NEDD4: variants seen among roughly 807,000 people sequenced by gnomAD.
NEDD4 encodes E3 ubiquitin-protein ligase NEDD4.
In NEDD4, 99 loss-of-function variants were observed where a neutral mutation model predicts 144.9. The ratio of observed to expected loss-of-function variants is 0.68; its 90% confidence interval spans 0.58 to 0.81. The LOEUF is 0.81. Among genes scored for constraint, NEDD4 ranks in the 30% least tolerant of loss-of-function variants. The pLI is 0.00. For synonymous variants in NEDD4, 318 were observed against 350.6 expected (o/e 0.91, Z 1.04); for missense variants, 985 against 1,065.9 (o/e 0.92, Z 1.06).
chr15:55,841,980 T>C lies in NEDD4; in HGVS notation c.1792A>G (p.Lys598Glu), dbSNP rs780284935. 1 of 1,614,198 alleles carries C rather than the reference T, an allele frequency of 6.2e-7. No individual in the cohort carries two copies. Among genetic ancestry groups the C allele is most frequent in the Non-Finnish European group, 8.5e-7 (1 of 1,180,030 alleles). The change falls in exon 19 of 29, where the codon AAG (lysine) becomes GAG (glutamate). Residue 598 changes from lysine to glutamate, a missense_variant. Physicochemically the swap from Lys to Glu is moderately conservative, Grantham distance 56. Transcript: ENST00000435532. ...VAREWFFLIS[K>E]EMFNPYYGLF... The stretch of plus-strand genomic sequence containing the variant: ...CCATAATAAGGGTTAAACATTTCCT[T>C]TGAGATCAGGAAGAACCATTCTCTG...
intron 9 of NEDD4, 133 bp from the exon 10 acceptor site, chr15:55,860,911 T>C (rs926908175): frequency 6.9e-6 from 5 of 728,600 alleles, no homozygotes; most frequent in African/African-American, 3.5e-5. Context: ...CCAAAGGCTA[T>C]TTCAACATGC....
At chr15:55,925,840 A>G (rs961292333) in intron 4 of NEDD4, among the ~76,000 whole-genome samples, 5 of 152,156 alleles carry the variant, frequency 3.3e-5, no homozygotes, top group Non-Finnish European at 7.3e-5. Flanking sequence ...TGAAAACTGA[A>G]GTACAACACA....
intron 2 of NEDD4, among the ~76,000 whole-genome samples, chr15:55,961,743 A>C (rs1197236229): frequency 1.3e-5 from 2 of 152,152 alleles, no homozygotes; most frequent in Non-Finnish European, 1.5e-5. Flanking sequence ...TGCTGGGATT[A>C]CAGATGTGAG....
chr15:55,830,959 C>G (rs1382023173), intron 27 of NEDD4, among the ~76,000 whole-genome samples: 1 of 152,170 alleles, frequency 6.6e-6, no homozygotes, highest in Non-Finnish European at 1.5e-5. Flanking sequence ...CACTCTGTCA[C>G]CCAGGCTGAA....
chr15:55,983,613 CT>C (rs10711886), intron 1 of NEDD4, among the ~76,000 whole-genome samples: 27,808 of 141,782 alleles, frequency 0.2, 2,444 homozygotes, highest in Non-Finnish European at 0.22. Flanking sequence ...TTTAGATATA[CT>C]TTTTTTTTTT....
intron 5 of NEDD4, chr15:55,924,355 G>A (rs1566954192): frequency 3.4e-6 from 1 of 290,276 alleles, no homozygotes; most frequent in Non-Finnish European, 6.6e-6. Flanking sequence ...CGAGTGAGAG[G>A]GAAGGCAGGA....
chr15:55,871,071 G>C (rs2034777173), intron 7 of NEDD4, among the ~76,000 whole-genome samples: 1 of 152,080 alleles, frequency 6.6e-6, no homozygotes, highest in African/African-American at 2.4e-5. Context: ...TTCTCTGTAT[G>C]GTTCTCATGG....
intron 24 of NEDD4, among the ~76,000 whole-genome samples, chr15:55,834,550 G>C (rs1192417498): frequency 3.9e-5 from 6 of 152,104 alleles, no homozygotes; most frequent in Admixed American, 2.0e-4. Context: ...CCAGCACTTT[G>C]GGAGGCTGGG....
chr15:55,917,297 C>G (rs1295556550), intron 5 of NEDD4, among the ~76,000 whole-genome samples: 1 of 152,184 alleles, frequency 6.6e-6, no homozygotes, highest in African/African-American at 2.4e-5. Context: ...AGTGCCTATA[C>G]TTTCTCCAGC....
chr15:55,970,221 A>C (rs1348482757), intron 1 of NEDD4, among the ~76,000 whole-genome samples: 2 of 152,176 alleles, frequency 1.3e-5, no homozygotes. Flanking sequence ...TTTGTCTTGT[A>C]ACCTGGGTAC....
intron 5 of NEDD4, among the ~76,000 whole-genome samples, chr15:55,874,937 G>A (rs1191607462): frequency 6.6e-6 from 1 of 151,764 alleles, no homozygotes; most frequent in Non-Finnish European, 1.5e-5. Context: ...CCATGCCACT[G>A]CACTCCAGCT....
chr15:55,930,673 C>T lies in NEDD4; in HGVS notation c.238-5974G>A, dbSNP rs561694439. Among the ~76,000 whole-genome samples the T allele has an allele frequency of 4.6e-5, 7 of 152,166 alleles. No homozygotes were observed. The South Asian group carries it at 6.2e-4, about 14-fold the overall frequency. ...AATTGTAATAATCCAAATGTGTCAA[C>T]GGCAGGGCTAGGTGGAGATAATTGA... On this transcript the variant is annotated intron_variant, in intron 4 of 28. Transcript: ENST00000435532.
At chr15:55,832,181 G>GA (rs200591357) in intron 27 of NEDD4, among the ~76,000 whole-genome samples, 229 of 124,736 alleles carry the variant, frequency 1.8e-3, no homozygotes, top group South Asian at 8.3e-3. Flanking sequence ...CCCCTATCTT[G>GA]AAAAAAAAAA....
At chr15:55,900,308 C>A (rs2035873355) in intron 5 of NEDD4, among the ~76,000 whole-genome samples, 1 of 152,150 alleles carries the variant, frequency 6.6e-6, no homozygotes, top group Non-Finnish European at 1.5e-5. Context: ...CCCAGAAATA[C>A]TGAAGAGCAC....
chr15:55,873,895 TGTAA>T (rs1446984672), intron 6 of NEDD4, 59 bp downstream of exon 6: 11 of 740,204 alleles, frequency 1.5e-5, no homozygotes, highest in Admixed American at 8.5e-5. Context: ...ATATTATATA[TGTAA>T]GTATTTATTA....
At chr15:55,838,468 C>A in intron 22 of NEDD4, 41 bp downstream of exon 22, 1 of 1,362,510 alleles carries the variant, frequency 7.3e-7, no homozygotes, top group South Asian at 1.2e-5. Flanking sequence ...ACATTTGTCT[C>A]ACAATTTATG....
intron 4 of NEDD4, among the ~76,000 whole-genome samples, chr15:55,941,165 AT>A (rs1228302025): frequency 6.6e-6 from 1 of 151,950 alleles, no homozygotes; most frequent in African/African-American, 2.4e-5. Flanking sequence ...AATTTCATTA[AT>A]TTTTTTGAAG....
At chr15:55,940,623 T>C (rs1027559641) in intron 4 of NEDD4, among the ~76,000 whole-genome samples, 14 of 151,764 alleles carry the variant, frequency 9.2e-5, no homozygotes, top group African/African-American at 3.1e-4. Flanking sequence ...ATTCCTTGGC[T>C]CAAAGAATTG....
intron 1 of NEDD4, among the ~76,000 whole-genome samples, chr15:55,975,119 C>T (rs941147286): frequency 6.6e-6 from 1 of 151,946 alleles, no homozygotes; most frequent in Non-Finnish European, 1.5e-5. Context: ...TCTCAAACTC[C>T]TGACCTCAGG....
Sources: allele counts gnomAD v4.1 joint callset (sites outside exome capture counted in the v4.1 genomes callset), GRCh38; gene constraint gnomAD v4.1.1; transcripts MANE v1.5; gene names NCBI Gene and HGNC (gene_info 2026-07-23, HGNC 2026-07-21).